Variants in UNC5D observed in about 807,000 individuals in gnomAD.
UNC5D encodes the protein netrin receptor UNC5D.
UNC5D carries 39 observed loss-of-function variants against 105.4 expected under a neutral mutation model. The ratio of observed to expected loss-of-function variants is 0.37; its 90% CI spans 0.29 to 0.48. The LOEUF is 0.48. UNC5D is among the 20% of genes least tolerant of loss of function. The pLI is 0.98. For synonymous variants in UNC5D, 452 were observed against 450.4 expected (o/e 1.00, Z -0.04); for missense variants, 991 against 1,202.4 (o/e 0.82, Z 2.60).
At chr8:35,790,330 GTTCT>G in intron 16 of UNC5D, 25 bp from the exon 17 acceptor site, 1 of 1,604,372 alleles carries the variant, frequency 6.2e-7, no homozygotes, top group South Asian at 1.1e-5. Flanking sequence ...GTTTCGTTTT[GTTCT>G]TTGTGTTTAA....
chr8:35,732,676 A>C (rs1177863606), intron 11 of UNC5D, among the ~76,000 whole-genome samples: 2 of 152,196 alleles, frequency 1.3e-5, no homozygotes, highest in East Asian at 3.9e-4. Flanking sequence ...GGTATAATCC[A>C]GTCCACTTTC....
intron 1 of UNC5D, among the ~76,000 whole-genome samples, chr8:35,342,008 C>T (rs573891682): frequency 7.2e-5 from 11 of 151,830 alleles, no homozygotes; most frequent in Admixed American, 1.3e-4. Flanking sequence ...TCTTTTTTTT[C>T]CCCGTTGTTT....
rs530449983 is a variant in UNC5D at position 35,381,399 on chromosome 8, C to T, written c.103+145512C>T. Among the ~76,000 whole-genome samples the T allele has an allele frequency of 7.8e-4, 119 of 152,208 alleles. 1 individual carries two copies. The South Asian group carries it at 0.02, about 26-fold the overall frequency. The stretch of plus-strand genomic sequence containing the variant: ...CTCTCACACTGGAGAGGAGTTGGGC[C>T]GGCTACACTGGCTGTGTTAACAGAT... On this transcript the variant is annotated intron_variant, in intron 1 of 16. Coordinates refer to ENST00000404895, the MANE Select transcript of UNC5D (RefSeq NM_080872.4).
At chr8:35,359,001 T>G (rs1801713803) in intron 1 of UNC5D, among the ~76,000 whole-genome samples, 1 of 152,050 alleles carries the variant, frequency 6.6e-6, no homozygotes, top group Admixed American at 6.5e-5. Context: ...ACTATAAACC[T>G]TGGGCCAGGC....
intron 1 of UNC5D, among the ~76,000 whole-genome samples, chr8:35,244,676 AT>A (rs1466828517): frequency 6.6e-6 from 1 of 152,188 alleles, no homozygotes; most frequent in Non-Finnish European, 1.5e-5. Context: ...AGTAAGTAAA[AT>A]AACAAATTAC....
chr8:35,335,281 T>C (rs1376093641), intron 1 of UNC5D, among the ~76,000 whole-genome samples: 2 of 152,254 alleles, frequency 1.3e-5, no homozygotes, highest in Non-Finnish European at 2.9e-5. Flanking sequence ...TTTCAATCTC[T>C]TGGCTAAATA....
intron 1 of UNC5D, among the ~76,000 whole-genome samples, chr8:35,380,653 G>A (rs1056366871): frequency 5.3e-5 from 8 of 152,032 alleles, no homozygotes; most frequent in African/African-American, 1.9e-4. Flanking sequence ...CGAAAGCAAA[G>A]CTTATTTGAA....
At chr8:35,404,692 A>T (rs1804690576) in intron 1 of UNC5D, among the ~76,000 whole-genome samples, 1 of 151,906 alleles carries the variant, frequency 6.6e-6, no homozygotes, top group Non-Finnish European at 1.5e-5. Flanking sequence ...GGTTCAAGAG[A>T]TTCTCCTGCC....
chr8:35,301,066 G>A (rs570002199), intron 1 of UNC5D, among the ~76,000 whole-genome samples: 26 of 152,260 alleles, frequency 1.7e-4, no homozygotes, highest in Middle Eastern at 6.8e-3. Flanking sequence ...CACCTTGCTC[G>A]TAGATCTTGG....
chr8:35,645,638 G>A (rs1031265075), intron 4 of UNC5D, among the ~76,000 whole-genome samples: 1 of 151,778 alleles, frequency 6.6e-6, no homozygotes, highest in African/African-American at 2.4e-5. Flanking sequence ...GTGGAAAATT[G>A]AGACTCACTT....
intron 4 of UNC5D, among the ~76,000 whole-genome samples, chr8:35,635,743 T>C (rs1050863125): frequency 1.3e-5 from 2 of 152,140 alleles, no homozygotes; most frequent in African/African-American, 4.8e-5. Context: ...AAAAGACACA[T>C]ATACAATAAG....
chr8:35,513,591 T>A (rs1266386955), intron 1 of UNC5D, among the ~76,000 whole-genome samples: 3 of 152,184 alleles, frequency 2.0e-5, no homozygotes, highest in Non-Finnish European at 4.4e-5. Flanking sequence ...TCCTAGTTCT[T>A]CTCCCCTGCT....
chr8:35,256,039 T>C (rs2128816500), intron 1 of UNC5D: 1 of 152,332 alleles, frequency 6.6e-6, no homozygotes, highest in Middle Eastern at 3.4e-3. Flanking sequence ...TACTCATCTC[T>C]AAATGGAAGG....
chr8:35,564,932 G>C (rs10086532), intron 2 of UNC5D, among the ~76,000 whole-genome samples: 36,111 of 152,030 alleles, frequency 0.24, 6,274 homozygotes, highest in African/African-American at 0.48. Flanking sequence ...TGATTTCATT[G>C]TTTTTTTGTG....
At chr8:35,579,636 G>A (rs959572340) in intron 3 of UNC5D, among the ~76,000 whole-genome samples, 1 of 152,152 alleles carries the variant, frequency 6.6e-6, no homozygotes, top group South Asian at 2.1e-4. Context: ...AACATCATGT[G>A]ACCTATGTGG....
In UNC5D at chr8:35,236,022, G is replaced by C; in HGVS notation, c.103+135G>C. On this transcript the variant is annotated intron_variant, in intron 1 of 16. Coordinates refer to ENST00000404895, the MANE Select transcript of UNC5D (RefSeq NM_080872.4). ...CGGCGCTCCAAGCCCAACCGGATGG[G>C]AGCCGAGTGGAGGACTCCGAGGGGA... The C allele has an allele frequency of 4.1e-6, 3 of 733,760 alleles. No individual in the cohort carries two copies. In the East Asian group the frequency reaches 1.1e-4, roughly 26 times the overall value. 45.5% of individuals were successfully genotyped at this position (733,760 alleles called of 1,614,324 possible).
chr8:35,753,343 A>C (rs1344222521), intron 13 of UNC5D, among the ~76,000 whole-genome samples: 1 of 152,004 alleles, frequency 6.6e-6, no homozygotes, highest in Non-Finnish European at 1.5e-5. Flanking sequence ...ATCTCAGCCC[A>C]CTGCAACCTC....
At chr8:35,684,209 C>A (rs1193712573) in intron 5 of UNC5D, among the ~76,000 whole-genome samples, 1 of 152,160 alleles carries the variant, frequency 6.6e-6, no homozygotes, top group East Asian at 1.9e-4. Context: ...TAAAGGCATT[C>A]CCTTCCACAA....
chr8:35,301,559 T>A (rs1188588842), intron 1 of UNC5D, among the ~76,000 whole-genome samples: 1 of 152,194 alleles, frequency 6.6e-6, no homozygotes, highest in Non-Finnish European at 1.5e-5. Flanking sequence ...TTGCCTTACT[T>A]CGGCATGGTA....
Sources: allele counts gnomAD v4.1 joint callset (sites outside exome capture counted in the v4.1 genomes callset), GRCh38; gene constraint gnomAD v4.1.1; transcripts MANE v1.5; gene names NCBI Gene and HGNC (gene_info 2026-07-23, HGNC 2026-07-21).